Variants in DUSP8 observed in about 807,000 individuals in gnomAD.
DUSP8 encodes the protein dual specificity phosphatase 8.
A neutral mutation model predicts 38.7 loss-of-function variants in DUSP8; 15 were observed. The observed-to-expected ratio is 0.39, with a 90% CI of 0.26 to 0.60. DUSP8 has a LOEUF of 0.60. DUSP8 is among the 20% of genes least tolerant of loss of function. The pLI is 0.56. For synonymous variants in DUSP8, 458 were observed against 433.9 expected, an observed-to-expected ratio of 1.06 and a Z score of -0.69; for missense variants, 768 against 915.0, an observed-to-expected ratio of 0.84 and a Z score of 2.07.
chr11:1,569,532 T>C (rs1848856225), intron 1 of DUSP8, among the ~76,000 whole-genome samples: 1 of 152,130 alleles, frequency 6.6e-6, no homozygotes, highest in Admixed American at 6.5e-5. Context: ...CCTTGCCCTC[T>C]GTATGCAGGA....
Position 1,557,412 on chromosome 11 carries a change from CG to C in DUSP8, c.983del (p.Pro328ArgfsTer25). 1 of 1,565,318 alleles carries C rather than the reference CG, an allele frequency of 6.4e-7. No individual in the cohort carries two copies. The highest frequency in any genetic ancestry group is 8.6e-7 in the Non-Finnish European group (1 of 1,167,812). ...EPPPSPAAGA[P>X]LPRLPPPTSE... is the part of the protein sequence containing the mutation. The stretch of plus-strand genomic sequence containing the variant: ...AGGTAGGTGGTGGCAGCCGTGGCAG[CG>C]GGGCCCCGGCGGCAGGACTGGGCGG... On this transcript the variant is annotated frameshift_variant, in exon 7 of 7. Coordinates refer to ENST00000397374, the MANE Select transcript of DUSP8 (RefSeq NM_004420.3). LOFTEE classifies it high-confidence loss of function. The surrounding 1 kb of genome is among the most constrained non-coding windows in gnomAD (Gnocchi z 9.9).
chr11:1,557,403 C>T lies in DUSP8; in HGVS notation c.993G>A (p.Arg331=). The part of the protein sequence containing the change: ...PSPAAGAPLP[R]LPPPTSESAA... ...CGCTCTCTGAGGTAGGTGGTGGCAG[C>T]CGTGGCAGCGGGGCCCCGGCGGCAG... Residue 331 remains arginine, a synonymous_variant, in exon 7 of 7, where the codon CGG becomes CGA. Transcript: ENST00000397374. This position sits in a 1 kb window ranked among gnomAD's most constrained non-coding sequence, Gnocchi z 9.9. The T allele has an allele frequency of 6.4e-7, 1 of 1,568,794 alleles. No homozygotes were observed. Among genetic ancestry groups the T allele is most frequent in the Non-Finnish European group, 8.6e-7 (1 of 1,169,092 alleles).
In DUSP8 at chr11:1,558,491, C is replaced by T. The variant is rs529457115; in HGVS notation, c.538-220G>A. On this transcript the variant is annotated intron_variant, in intron 4 of 6. Coordinates refer to ENST00000397374, the MANE Select transcript of DUSP8 (RefSeq NM_004420.3). This position sits in a 1 kb window ranked among gnomAD's most constrained non-coding sequence, Gnocchi z 6.3. ...CGGGGGGTGGGGCACGGCTGGCCTC[C>T]GACTGCAGGCCCCACCCACGGCTGG... Among the ~76,000 whole-genome samples, 11 of 152,204 alleles carry T rather than the reference C, an allele frequency of 7.2e-5. No homozygotes were observed. The East Asian group carries it at 1.4e-3, about 19-fold the overall frequency.
chr11:1,556,320 A>G lies in DUSP8; in HGVS notation c.*198T>C. ...GTATGTTTCAGTTTAAATACCAGAC[A>G]GTAAAAATAGAGCTCGAGGACCACC... is the stretch of plus-strand genomic sequence containing the variant. On this transcript the variant is annotated 3_prime_UTR_variant, in exon 7 of 7. Transcript: ENST00000397374. The surrounding 1 kb of genome is among the most constrained non-coding windows in gnomAD (Gnocchi z 5.2). The G allele has an allele frequency of 1.6e-6, 1 of 634,792 alleles. No individual in the cohort carries two copies. The highest frequency in any genetic ancestry group is 2.2e-6 in the Non-Finnish European group (1 of 445,544). 39.3% of individuals were successfully genotyped at this position (634,792 alleles called of 1,614,324 possible).
At chr11:1,561,852 G>C (rs996110114) in intron 3 of DUSP8, among the ~76,000 whole-genome samples, 1 of 152,032 alleles carries the variant, frequency 6.6e-6, no homozygotes, top group Non-Finnish European at 1.5e-5. Context: ...CTGGTTCTTC[G>C]CAGAGCCAGC....
chr11:1,558,250 T>C lies in DUSP8; in HGVS notation c.559A>G (p.Ile187Val). The C allele has an allele frequency of 6.4e-7, 1 of 1,566,992 alleles. No individual in the cohort carries two copies. Among genetic ancestry groups the C allele is most frequent in the Non-Finnish European group, 8.7e-7 (1 of 1,152,478 alleles). ...LNKDLMTQNG[I>V]SYVLNASNSC... ...TTGCTGGCGTTGAGGACGTAGCTTA[T>C]TCCATTTTGCGTCATCAGATCCTGG... is the stretch of plus-strand genomic sequence containing the variant. The change falls in exon 5 of 7, where the codon ATA becomes GTA. Residue 187 changes from isoleucine to valine, a missense_variant. By Grantham distance (29) the Ile-to-Val change is conservative (BLOSUM62 3). This residue lies in a region of DUSP8 where 252 missense variants were observed against 410.4 expected (regional missense o/e 0.61). Coordinates refer to ENST00000397374, the MANE Select transcript of DUSP8 (RefSeq NM_004420.3). The surrounding 1 kb of genome is among the most constrained non-coding windows in gnomAD (Gnocchi z 6.3).
chr11:1,557,638 G>T lies in DUSP8; in HGVS notation c.822-64C>A. 1 of 1,513,490 alleles carries T rather than the reference G, an allele frequency of 6.6e-7. No individual in the cohort carries two copies. The allele number at this position is 1,513,490 out of a possible 1,614,324, so 93.8% of individuals were successfully genotyped here. On this transcript the variant is annotated intron_variant, in intron 6 of 6. Transcript: ENST00000397374. The surrounding 1 kb of genome is among the most constrained non-coding windows in gnomAD (Gnocchi z 9.9). The stretch of plus-strand genomic sequence containing the variant: ...GCCAGGCTGCCCACCTGACGCACCC[G>T]CTGGGCACCCACGAGCTCATGTGCG...
chr11:1,561,431 C>T (rs1242884867), intron 3 of DUSP8, among the ~76,000 whole-genome samples: 5 of 152,200 alleles, frequency 3.3e-5, no homozygotes, highest in Admixed American at 6.5e-5. Flanking sequence ...CCCGCCAGGG[C>T]GGGGGCCGCC....
At position 1,558,112 on chromosome 11, in the gene DUSP8, C is replaced by G; in HGVS notation, c.697G>C (p.Asp233His). Residue 233 changes from aspartate to histidine, a missense_variant and splice_region_variant, in exon 5 of 7, where the codon GAT (aspartate) becomes CAT (histidine). Around this residue, in one of 3 missense-constraint regions of DUSP8, gnomAD observed 252 missense variants for 410.4 expected, o/e 0.61. Coordinates refer to ENST00000397374, the MANE Select transcript of DUSP8 (RefSeq NM_004420.3). This position sits in a 1 kb window ranked among gnomAD's most constrained non-coding sequence, Gnocchi z 6.3. ...PWLDKSIEFIDKAKLSSCQVI... is the reference protein window; with the variant it reads ...PWLDKSIEFIHKAKLSSCQVI... ...TGCCCTCCGCCCACCGCAGACTCACCGATGAACTCGATGGACTTGTCCAGC... is the reference window on the plus strand; with the variant it reads ...TGCCCTCCGCCCACCGCAGACTCACGGATGAACTCGATGGACTTGTCCAGC... 6.2e-7 allele frequency: 1 copy of G among 1,611,928 alleles called. No homozygotes were observed. The highest frequency in any genetic ancestry group is 1.3e-5 in the African/African-American group (1 of 74,974).
rs774749630 is a variant in DUSP8, at chr11:1,556,548, C to T, written c.1848G>A (p.Ser616=). The T allele has an allele frequency of 6.5e-6, 9 of 1,390,666 alleles. No homozygotes were observed. Among genetic ancestry groups the T allele is most frequent in the East Asian group, 3.0e-5 (1 of 32,822 alleles). 86.1% of individuals were successfully genotyped at this position (1,390,666 alleles called of 1,614,324 possible). A position where few individuals can be genotyped will look rare whatever the true frequency, so the allele number is the denominator to read the frequency against. The change falls in exon 7 of 7, where the codon TCG becomes TCA. Residue 616 remains serine (S), a synonymous_variant. Coordinates refer to ENST00000397374, the MANE Select transcript of DUSP8 (RefSeq NM_004420.3). The surrounding 1 kb of genome is among the most constrained non-coding windows in gnomAD (Gnocchi z 5.2). ...LAALGKQASF[S]GSVEVIEVS is the part of the protein sequence containing the mutation. ...ACACCTCGATGACCTCCACGCTGCC[C>T]GAGAAGCTCGCCTGCTTGCCCAGGG...
chr11:1,569,403 C>T (rs1476853063), intron 1 of DUSP8, among the ~76,000 whole-genome samples: 1 of 152,154 alleles, frequency 6.6e-6, no homozygotes, highest in Non-Finnish European at 1.5e-5. Context: ...TCTTTGCACA[C>T]CCACTCCACA....
chr11:1,566,265 C>T (rs1211255640), intron 1 of DUSP8, among the ~76,000 whole-genome samples: 2 of 152,090 alleles, frequency 1.3e-5, no homozygotes, highest in Non-Finnish European at 2.9e-5. Flanking sequence ...CATCTCCCTG[C>T]TGTGACTTCT....
Position 1,559,724 on chromosome 11 carries a change from G to A in DUSP8, c.371-669C>T, listed in dbSNP as rs551260510. On this transcript the variant is annotated intron_variant, in intron 3 of 6. Coordinates refer to ENST00000397374, the MANE Select transcript of DUSP8 (RefSeq NM_004420.3). Reference sequence around the variant, plus strand: ...GGGAGGACGGAGAGTGGAGAAGCCCGGGGCACTGGGGGCACGCAGAGCAGG... The same window carrying A: ...GGGAGGACGGAGAGTGGAGAAGCCCAGGGCACTGGGGGCACGCAGAGCAGG... Among the ~76,000 whole-genome samples the A allele has an allele frequency of 2.8e-4, 42 of 152,280 alleles. No individual in the cohort carries two copies. The South Asian group carries it at 7.9e-3, about 29-fold the overall frequency.
intron 2 of DUSP8, 95 bp downstream of exon 2, chr11:1,565,501 T>C: frequency 9.9e-7 from 1 of 1,007,552 alleles, no homozygotes; most frequent in Non-Finnish European, 1.5e-6. Flanking sequence ...GAGTTTGGAC[T>C]GGAAGGCAGA....
Position 1,563,793 on chromosome 11 carries a change from C to G in DUSP8, c.370+58G>C, listed in dbSNP as rs1226534420. 9 of 1,432,590 alleles carry G rather than the reference C, an allele frequency of 6.3e-6. No homozygotes were observed. In the East Asian group the frequency reaches 2.1e-4, roughly 34 times the overall value. 88.7% of individuals were successfully genotyped at this position (1,432,590 alleles called of 1,614,324 possible). A position where few individuals can be genotyped will look rare whatever the true frequency, so the allele number is the denominator to read the frequency against. Reference sequence around the variant, plus strand: ...CACCTCCCTGATGCCCCAGCCCCAGCCCCAGCCCCACTGCTGGCGGAGCAA... The same window carrying G: ...CACCTCCCTGATGCCCCAGCCCCAGGCCCAGCCCCACTGCTGGCGGAGCAA... On this transcript the variant is annotated intron_variant, in intron 3 of 6. Transcript: ENST00000397374.
intron 3 of DUSP8, 69 bp from the exon 4 acceptor site, chr11:1,559,124 G>A: frequency 6.8e-7 from 1 of 1,460,664 alleles, no homozygotes. Flanking sequence ...AGGGTGCCCT[G>A]TCCGCCTAGG....
At chr11:1,562,366 T>TC (rs1244779234) in intron 3 of DUSP8, among the ~76,000 whole-genome samples, 3 of 151,844 alleles carry the variant, frequency 2.0e-5, no homozygotes, top group African/African-American at 7.3e-5. Context: ...TTGGGAGGGG[T>TC]CCTGTTACAC....
At chr11:1,564,470 C>T (rs965743567) in intron 2 of DUSP8, among the ~76,000 whole-genome samples, 1 of 152,208 alleles carries the variant, frequency 6.6e-6, no homozygotes, top group African/African-American at 2.4e-5. Context: ...TATCCCCTCC[C>T]CAACCCCCAG....
At position 1,557,547 on chromosome 11, in the gene DUSP8, G is replaced by C; in HGVS notation, c.849C>G (p.Ile283Met). ...YRFVKDRRPS[I>M]SPNFNFLGQL... ...GGCCCAGGAAGTTGAAGTTGGGCGA[G>C]ATGGACGGGCGCCTGTCCTTCACGA... Residue 283 changes from isoleucine (I) to methionine (M), a missense_variant, in exon 7 of 7, where the codon ATC becomes ATG. By Grantham distance (10) the Ile-to-Met change is conservative. This residue lies in a region of DUSP8 where 252 missense variants were observed against 410.4 expected (regional missense o/e 0.61). Transcript: ENST00000397374. The surrounding 1 kb of genome is among the most constrained non-coding windows in gnomAD (Gnocchi z 9.9). 6.3e-7 allele frequency: 1 copy of C among 1,590,278 alleles called. No individual in the cohort carries two copies. Among genetic ancestry groups the C allele is most frequent in the Non-Finnish European group, 8.5e-7 (1 of 1,176,406 alleles).
Sources: allele counts gnomAD v4.1 joint callset (sites outside exome capture counted in the v4.1 genomes callset), GRCh38; gene constraint gnomAD v4.1.1; regional missense constraint gnomAD v4.1.1; non-coding constraint Gnocchi (gnomAD v3.1); transcripts MANE v1.5; gene names NCBI Gene and HGNC (gene_info 2026-07-23, HGNC 2026-07-21).